MEIS2: variants seen among roughly 807,000 people sequenced by gnomAD.
MEIS2 encodes Meis homeobox 2.
A neutral mutation model predicts 58.6 loss-of-function variants in MEIS2; 9 were observed. That is an observed-to-expected ratio of 0.15 (90% CI 0.09 to 0.27). The LOEUF is 0.27. MEIS2 is among the 10% of genes least tolerant of loss of function. MEIS2 has a pLI of 1.00. For synonymous variants in MEIS2, 221 were observed against 228.4 expected (o/e 0.97, Z 0.29); for missense variants, 427 against 635.0 (o/e 0.67, Z 3.52).
At chr15:37,005,293 G>C (rs2060876822) in intron 8 of MEIS2, among the ~76,000 whole-genome samples, 1 of 152,206 alleles carries the variant, frequency 6.6e-6, no homozygotes, top group African/African-American at 2.4e-5. Context: ...TTAGGAGAAA[G>C]AGTAAGATGA....
At chr15:37,000,069 A>G (rs994449070) in intron 8 of MEIS2, among the ~76,000 whole-genome samples, 1 of 152,212 alleles carries the variant, frequency 6.6e-6, no homozygotes, top group Non-Finnish European at 1.5e-5. Flanking sequence ...GGAAGAGTTT[A>G]AAATATCAGG....
chr15:36,919,725 A>C (rs930931824), intron 9 of MEIS2, among the ~76,000 whole-genome samples: 2 of 152,206 alleles, frequency 1.3e-5, no homozygotes, highest in East Asian at 3.8e-4. Flanking sequence ...ATGAACATTA[A>C]AATTTGTGTT....
At chr15:36,926,676 A>G (rs2057761622) in intron 9 of MEIS2, among the ~76,000 whole-genome samples, 1 of 152,192 alleles carries the variant, frequency 6.6e-6, no homozygotes, top group African/African-American at 2.4e-5. Context: ...ACACTGTGCA[A>G]CTGATGTAAA....
chr15:36,944,151 G>A (rs2058473048), intron 9 of MEIS2, among the ~76,000 whole-genome samples: 1 of 152,008 alleles, frequency 6.6e-6, no homozygotes, highest in South Asian at 2.1e-4. Flanking sequence ...CAATTGGTAT[G>A]CCATGTGTCA....
intron 7 of MEIS2, among the ~76,000 whole-genome samples, chr15:37,067,159 G>A (rs879656486): frequency 2.7e-5 from 4 of 147,212 alleles, no homozygotes; most frequent in East Asian, 2.0e-4. Context: ...GCATGATCTC[G>A]GCTCACTGCA....
At position 37,094,008 on chromosome 15, in the gene MEIS2, G is replaced by A. The variant is rs1596126879; in HGVS notation, c.490-278C>T. 3.4e-5 allele frequency: 14 copies of A among 411,608 alleles called. 1 individual carries two copies. The East Asian group carries it at 5.6e-4, about 17-fold the overall frequency. 25.5% of individuals were successfully genotyped at this position (411,608 alleles called of 1,614,324 possible). A position where few individuals can be genotyped will look rare whatever the true frequency, so the allele number is the denominator to read the frequency against. ...AGGACTGGAAATAACTGGGTTCAGAGTGGGAGTCCAGGGAATTAAATCTGA... is the reference window on the plus strand; with the variant it reads ...AGGACTGGAAATAACTGGGTTCAGAATGGGAGTCCAGGGAATTAAATCTGA... On this transcript the variant is annotated intron_variant, in intron 5 of 11. Coordinates refer to ENST00000561208, the MANE Select transcript of MEIS2 (RefSeq NM_170675.5).
chr15:36,955,374 T>G (rs1204817324), intron 8 of MEIS2, among the ~76,000 whole-genome samples: 1 of 152,210 alleles, frequency 6.6e-6, no homozygotes, highest in Non-Finnish European at 1.5e-5. Flanking sequence ...TATAACTTCC[T>G]CAAGGTAAAG....
At chr15:37,071,287 ACTGTAG>A (rs1890673157) in intron 7 of MEIS2, among the ~76,000 whole-genome samples, 1 of 152,162 alleles carries the variant, frequency 6.6e-6, no homozygotes, top group Non-Finnish European at 1.5e-5. Flanking sequence ...GTAACCAATT[ACTGTAG>A]CACCAGGGGA....
At chr15:36,992,628 T>C (rs2060336364) in intron 8 of MEIS2, among the ~76,000 whole-genome samples, 1 of 152,200 alleles carries the variant, frequency 6.6e-6, no homozygotes, top group Non-Finnish European at 1.5e-5. Context: ...TAGGGTGTTA[T>C]TTCATGGACA....
intron 8 of MEIS2, among the ~76,000 whole-genome samples, chr15:37,019,717 A>G (rs2061461654): frequency 6.6e-6 from 1 of 152,190 alleles, no homozygotes; most frequent in Non-Finnish European, 1.5e-5. Flanking sequence ...CGCAGGGCCC[A>G]ACAGCAGGCC....
chr15:37,063,995 G>A lies in MEIS2; in HGVS notation c.754+19776C>T, dbSNP rs998167429. On this transcript the variant is annotated intron_variant, in intron 7 of 11. Transcript: ENST00000561208. ...AGATTTGAAACAAAACGATTTTTTT[G>A]TCCCATATATGAAAAACTTGATCAG... Among the ~76,000 whole-genome samples the A allele has an allele frequency of 8.5e-5, 13 of 152,146 alleles. 1 individual carries two copies. The highest frequency in any genetic ancestry group is 7.9e-4 in the Admixed American group (12 of 15,282).
intron 9 of MEIS2, among the ~76,000 whole-genome samples, chr15:36,908,173 A>T (rs1043947289): frequency 6.6e-6 from 1 of 152,352 alleles, no homozygotes; most frequent in Admixed American, 6.5e-5. Flanking sequence ...GACAAATTAA[A>T]CATCTTTTAC....
intron 7 of MEIS2, among the ~76,000 whole-genome samples, chr15:37,064,106 G>A (rs1889610989): frequency 6.6e-6 from 1 of 152,120 alleles, no homozygotes; most frequent in South Asian, 2.1e-4. Flanking sequence ...TTAAGGTCCA[G>A]TGATAACTTA....
intron 8 of MEIS2, among the ~76,000 whole-genome samples, chr15:36,964,855 G>GCT (rs2059305362): frequency 6.6e-6 from 1 of 152,126 alleles, no homozygotes; most frequent in African/African-American, 2.4e-5. Flanking sequence ...GGAAAATACT[G>GCT]GCAGAAATAG....
At position 37,100,199 on chromosome 15, in the gene MEIS2, A is replaced by G; in HGVS notation, c.-733T>C. On this transcript the variant is annotated 5_prime_UTR_variant, in exon 1 of 12. Transcript: ENST00000561208. ...GAAAAAAAAATGAATAGTTTGCAAA[A>G]ATTGGACTTCCTCCCCCCCTTTCCT... 1 of 151,296 alleles carries G rather than the reference A, an allele frequency of 6.6e-6. No homozygotes were observed. The highest frequency in any genetic ancestry group is 1.5e-5 in the Non-Finnish European group (1 of 67,908). 9.4% of individuals were successfully genotyped at this position (151,296 alleles called of 1,614,324 possible).
intron 7 of MEIS2, among the ~76,000 whole-genome samples, chr15:37,083,122 T>C (rs940394219): frequency 8.5e-5 from 13 of 152,210 alleles, no homozygotes; most frequent in African/African-American, 2.9e-4. Flanking sequence ...GAGTTTTAAA[T>C]AGTAAAATTT....
intron 7 of MEIS2, among the ~76,000 whole-genome samples, chr15:37,053,731 T>C (rs2063021355): frequency 2.0e-5 from 3 of 152,200 alleles, no homozygotes; most frequent in Non-Finnish European, 2.9e-5. Flanking sequence ...TTAAAATCTA[T>C]AGAATTTCCA....
At chr15:37,050,764 C>T (rs2062883929) in intron 7 of MEIS2, 1 of 152,140 alleles carries the variant, frequency 6.6e-6, no homozygotes, top group African/African-American at 2.4e-5. Flanking sequence ...ATGGAAGAAG[C>T]ATGAGTTTTG....
chr15:36,924,829 C>A (rs971242096), intron 9 of MEIS2, among the ~76,000 whole-genome samples: 2 of 152,168 alleles, frequency 1.3e-5, no homozygotes, highest in Admixed American at 1.3e-4. Context: ...GTGTGACAAC[C>A]AGAAATATTT....
Sources: gnomAD v4.1 joint callset for allele counts (sites outside exome capture counted in the v4.1 genomes callset) on GRCh38, gnomAD v4.1.1 for gene constraint, MANE v1.5 for transcripts, NCBI Gene and HGNC (gene_info 2026-07-23, HGNC 2026-07-21) for gene names.